Variants in TEX101 observed in about 807,000 individuals in gnomAD.
TEX101 encodes the protein testis-expressed protein 101.
A neutral mutation model predicts 18.1 loss-of-function variants in TEX101; 10 were observed. The observed-to-expected ratio is 0.55, with a 90% CI of 0.34 to 0.94. The LOEUF is 0.94. TEX101 is among the 40% of genes least tolerant of loss of function. The probability of loss-of-function intolerance (pLI) is 0.02; values close to 1 mark genes in which losing one functional copy is unlikely to be tolerated. For synonymous variants in TEX101, 94 were observed against 114.8 expected (o/e 0.82, Z 1.16); for missense variants, 259 against 298.9 (o/e 0.87, Z 0.98).
chr19:43,391,268 C>G, the TEX101 span, among the ~76,000 whole-genome samples: 1 of 152,174 alleles, frequency 6.6e-6, no homozygotes, highest in Non-Finnish European at 1.5e-5. Flanking sequence ...TACCAGAAGC[C>G]GAATTGCTGC....
the TEX101 span, among the ~76,000 whole-genome samples, chr19:43,389,007 G>A: frequency 6.6e-6 from 1 of 151,924 alleles, no homozygotes; most frequent in Non-Finnish European, 1.5e-5. Context: ...TCCCACCCTC[G>A]AGGCATCGTA....
upstream of TEX101, among the ~76,000 whole-genome samples, chr19:43,410,378 T>C (rs530808972): frequency 3.9e-5 from 6 of 152,030 alleles, no homozygotes; most frequent in African/African-American, 1.4e-4. Context: ...CCAAAGAGGC[T>C]GGAAGAGACT....
At chr19:43,406,409 G>A (rs981694272) in exon 3 of TEX101, 3 of 729,030 alleles carry the variant, frequency 4.1e-6, no homozygotes, top group Non-Finnish European at 7.6e-6. Context: ...GGCGGAACCT[G>A]CGGGAGAGAA....
chr19:43,393,103 G>GGAAGGAAGGAAGGAAGGAAGAAAA, the TEX101 span, among the ~76,000 whole-genome samples: 2 of 144,400 alleles, frequency 1.4e-5, no homozygotes, highest in Admixed American at 1.4e-4. Context: ...AAGGAAGGAA[G>GGAAGGAAGGAAGGAAGGAAGAAAA]GAAAGAAAGA....
At position 43,416,216 on chromosome 19, in the gene TEX101, A is replaced by G. The variant is rs1377058627; in HGVS notation, c.182A>G (p.Gln61Arg). The change falls in exon 3 of 6, where the codon CAG (glutamine) becomes CGG (arginine). Residue 61 changes from glutamine (Q) to arginine (R), a missense_variant. Gln to Arg is a conservative substitution (Grantham distance 43). Transcript: ENST00000598265. ...ACTTGTGACAAAGGGGCACTTTGCC[A>G]GGAAACCATACTAATAATTAAAGCA... ...VETCDKGALCQETILIIKAGT... is the reference protein window; with the variant it reads ...VETCDKGALCRETILIIKAGT... 6.2e-7 allele frequency: 1 copy of G among 1,610,738 alleles called. No homozygotes were observed. Among genetic ancestry groups the G allele is most frequent in the Non-Finnish European group, 8.5e-7 (1 of 1,178,766 alleles).
chr19:43,394,393 C>A, the TEX101 span, among the ~76,000 whole-genome samples: 1 of 152,088 alleles, frequency 6.6e-6, no homozygotes, highest in African/African-American at 2.4e-5. Context: ...CACCCAGACT[C>A]CAGAGACCAT....
chr19:43,404,158 TATCACGACAAC>T (rs1389283798), intron 2 of TEX101, among the ~76,000 whole-genome samples: 1 of 151,524 alleles, frequency 6.6e-6, no homozygotes, highest in Non-Finnish European at 1.5e-5. Context: ...GTGCTGGCTT[TATCACGACAAC>T]TCTGGCTGAT....
At chr19:43,399,357 T>C (rs1280651047), upstream of TEX101, among the ~76,000 whole-genome samples, 2 of 152,130 alleles carry the variant, frequency 1.3e-5, no homozygotes, top group East Asian at 3.9e-4. Flanking sequence ...CTGATTCGTG[T>C]GTTGTCAAGT....
chr19:43,418,498 AG>A lies in TEX101; in HGVS notation c.*102del, dbSNP rs1970508231. The A allele has an allele frequency of 1.1e-6, 1 of 905,296 alleles. No homozygotes were observed. Among genetic ancestry groups the A allele is most frequent in the Middle Eastern group, 2.9e-4 (1 of 3,422 alleles). 56.1% of individuals were successfully genotyped at this position (905,296 alleles called of 1,614,324 possible). A position where few individuals can be genotyped will look rare whatever the true frequency, so the allele number is the denominator to read the frequency against. On this transcript the variant is annotated 3_prime_UTR_variant, in exon 6 of 6. Transcript: ENST00000598265. ...TGAGGAGTAGATGGGAATTTGAGGGAGAATACAGAGATACTATGAACGTATT... is the reference window on the plus strand; with the variant it reads ...TGAGGAGTAGATGGGAATTTGAGGGAAATACAGAGATACTATGAACGTATT...
Position 43,418,240 on chromosome 19 carries a change from TAGC to T in TEX101, c.596_598del (p.Ala199del). ...GGCTGCAGGCTGATGTCTGGAATCT[TAGC>T]AGTAGGACCCATGTTTGTGAGGGAA... On this transcript the variant is annotated inframe_deletion, in exon 6 of 6. Transcript: ENST00000598265. 2 of 1,614,220 alleles carry T rather than the reference TAGC, an allele frequency of 1.2e-6. No homozygotes were observed. The highest frequency in any genetic ancestry group is 1.1e-5 in the South Asian group (1 of 91,084).
At chr19:43,389,423 G>T in the TEX101 span, among the ~76,000 whole-genome samples, 2 of 152,192 alleles carry the variant, frequency 1.3e-5, no homozygotes, top group Non-Finnish European at 2.9e-5. Context: ...ATCGGGGACA[G>T]AAGCTTCTGG....
the TEX101 span, among the ~76,000 whole-genome samples, chr19:43,393,066 A>G: frequency 1.2e-4 from 18 of 144,830 alleles, no homozygotes; most frequent in African/African-American, 4.6e-4. Context: ...AAGAAAAGAA[A>G]GAAAGAAGGG....
At chr19:43,416,654 C>A in intron 4 of TEX101, 99 bp downstream of exon 4, 1 of 1,205,582 alleles carries the variant, frequency 8.3e-7, no homozygotes, top group African/African-American at 1.5e-5. Context: ...CCTAAGTGGT[C>A]CATACCCCAA....
At chr19:43,407,471 G>A (rs967023878) in intron 3 of TEX101, among the ~76,000 whole-genome samples, 1 of 145,836 alleles carries the variant, frequency 6.9e-6, no homozygotes, top group African/African-American at 2.5e-5. Context: ...GGCAACAAGA[G>A]CGAAACTTCG....
At chr19:43,410,732 A>G (rs1369107356), upstream of TEX101, among the ~76,000 whole-genome samples, 1 of 152,066 alleles carries the variant, frequency 6.6e-6, no homozygotes, top group Non-Finnish European at 1.5e-5. Context: ...CGAGACACAC[A>G]CATCAGACAC....
intron 2 of TEX101, among the ~76,000 whole-genome samples, chr19:43,404,615 CTTGA>C (rs950019370): frequency 2.2e-4 from 34 of 151,848 alleles, no homozygotes; most frequent in African/African-American, 7.5e-4. Flanking sequence ...GCCACATTTG[CTTGA>C]TTGATTTTTT....
chr19:43,403,976 G>A (rs892497253), intron 2 of TEX101, among the ~76,000 whole-genome samples: 6 of 150,912 alleles, frequency 4.0e-5, no homozygotes, highest in Admixed American at 1.3e-4. Flanking sequence ...GAGGTGGAGC[G>A]TGCAGTGAGC....
At chr19:43,405,720 T>G (rs1249284980) in intron 2 of TEX101, among the ~76,000 whole-genome samples, 1 of 149,514 alleles carries the variant, frequency 6.7e-6, no homozygotes, top group Non-Finnish European at 1.5e-5. Flanking sequence ...AAGTCAGGAG[T>G]TTGAGACCAG....
chr19:43,410,748 C>T (rs912130570), upstream of TEX101, among the ~76,000 whole-genome samples: 4 of 151,242 alleles, frequency 2.6e-5, no homozygotes, highest in African/African-American at 9.7e-5. Flanking sequence ...GACACACATT[C>T]ACACACAGCA....
Sources: allele counts gnomAD v4.1 joint callset (sites outside exome capture counted in the v4.1 genomes callset), GRCh38; gene constraint gnomAD v4.1.1; transcripts MANE v1.5; gene names NCBI Gene and HGNC (gene_info 2026-07-23, HGNC 2026-07-21).